Variants in DPYD observed in about 807,000 individuals in gnomAD.
DPYD encodes the protein dihydropyrimidine dehydrogenase, also known as dihydropyrimidine dehydrogenase [NADP(+)].
A neutral mutation model predicts 116.2 loss-of-function variants in DPYD; 109 were observed. The observed-to-expected ratio is 0.94, with a 90% CI of 0.80 to 1.10. The LOEUF (loss-of-function observed/expected upper bound fraction) is 1.10. DPYD is among the 50% of genes least tolerant of loss of function. The pLI is 0.00. For missense variants in DPYD, 1,302 were observed against 1,254.5 expected (o/e 1.04, Z -0.57); for synonymous variants, 440 against 432.0 (o/e 1.02, Z -0.23).
At chr1:97,546,090 C>G in intron 12 of DPYD, 1 of 1,413,712 alleles carries the variant, frequency 7.1e-7, no homozygotes, top group East Asian at 2.3e-5. Flanking sequence ...AGTTACAGTG[C>G]TGGTTAAGTT....
chr1:97,275,892 T>C (rs1459089492), intron 18 of DPYD, among the ~76,000 whole-genome samples: 2 of 152,204 alleles, frequency 1.3e-5, no homozygotes, highest in East Asian at 1.9e-4. Flanking sequence ...CTCCTGATCT[T>C]CTTCCTCTCA....
At chr1:97,814,868 C>A (rs1247150211) in intron 3 of DPYD, among the ~76,000 whole-genome samples, 2 of 130,318 alleles carry the variant, frequency 1.5e-5, no homozygotes, top group Non-Finnish European at 3.1e-5. Flanking sequence ...CGTGCCACTG[C>A]ACTACAGCCT....
At chr1:97,294,647 C>T (rs1666411171) in intron 18 of DPYD, among the ~76,000 whole-genome samples, 1 of 152,182 alleles carries the variant, frequency 6.6e-6, no homozygotes, top group Non-Finnish European at 1.5e-5. Context: ...TCCAAAGTTG[C>T]TCTTGGCATC....
intron 7 of DPYD, among the ~76,000 whole-genome samples, chr1:97,684,596 A>T (rs976417598): frequency 6.6e-6 from 1 of 151,764 alleles, no homozygotes; most frequent in Non-Finnish European, 1.5e-5. Flanking sequence ...CACACACACC[A>T]ATAGGTAGAC....
intron 16 of DPYD, among the ~76,000 whole-genome samples, chr1:97,318,875 A>C (rs991084008): frequency 4.0e-5 from 6 of 149,734 alleles, no homozygotes; most frequent in African/African-American, 1.5e-4. Flanking sequence ...AATTATAACA[A>C]ACTATCTCTC....
chr1:97,121,562 T>C (rs1446016034), intron 20 of DPYD, among the ~76,000 whole-genome samples: 3 of 152,122 alleles, frequency 2.0e-5, no homozygotes. Context: ...TGGCCAGTTG[T>C]TTCTTGGGTG....
intron 20 of DPYD, among the ~76,000 whole-genome samples, chr1:97,147,515 A>G (rs1654713127): frequency 6.6e-6 from 1 of 152,178 alleles, no homozygotes; most frequent in African/African-American, 2.4e-5. Flanking sequence ...GAAAAAATAA[A>G]CTGGCAGTGA....
chr1:97,677,274 T>C (rs1226130363), intron 8 of DPYD, among the ~76,000 whole-genome samples: 2 of 152,228 alleles, frequency 1.3e-5, no homozygotes, highest in South Asian at 2.1e-4. Flanking sequence ...TCTTTGTAGA[T>C]GAAGTTCTTA....
At chr1:97,344,768 G>A (rs932350565) in intron 16 of DPYD, among the ~76,000 whole-genome samples, 1 of 151,838 alleles carries the variant, frequency 6.6e-6, no homozygotes, top group African/African-American at 2.4e-5. Flanking sequence ...CTCCAGTTGT[G>A]TTATTAAAAA....
chr1:97,723,758 A>G (rs1378798515), intron 4 of DPYD, among the ~76,000 whole-genome samples: 2 of 151,666 alleles, frequency 1.3e-5, no homozygotes, highest in Admixed American at 6.6e-5. Context: ...TCAAAGTATA[A>G]TATCCAAAAG....
chr1:97,579,685 C>A (rs769740595), intron 10 of DPYD, among the ~76,000 whole-genome samples: 2 of 152,320 alleles, frequency 1.3e-5, no homozygotes, highest in East Asian at 3.9e-4. Context: ...GAATGCTTCT[C>A]CTCATGGCAC....
At chr1:97,642,469 C>T (rs1571113957) in intron 8 of DPYD, among the ~76,000 whole-genome samples, 1 of 151,822 alleles carries the variant, frequency 6.6e-6, no homozygotes, top group African/African-American at 2.4e-5. Flanking sequence ...TTTGACAAAC[C>T]TGACAAAAAC....
chr1:97,912,700 C>T (rs1674012258), intron 1 of DPYD, among the ~76,000 whole-genome samples: 1 of 151,996 alleles, frequency 6.6e-6, no homozygotes, highest in Non-Finnish European at 1.5e-5. Flanking sequence ...ACTTTTATTA[C>T]ACTAAGGTTA....
chr1:97,101,307 T>C (rs1426775666), intron 20 of DPYD, among the ~76,000 whole-genome samples: 1 of 151,882 alleles, frequency 6.6e-6, no homozygotes, highest in Non-Finnish European at 1.5e-5. Flanking sequence ...TTAAAAAATA[T>C]GTTGTATATA....
chr1:97,270,445 C>G (rs185790050), intron 18 of DPYD, among the ~76,000 whole-genome samples: 1 of 152,196 alleles, frequency 6.6e-6, no homozygotes, highest in Admixed American at 6.5e-5. Context: ...AACACACACA[C>G]ATTTTCTGTG....
chr1:97,707,481 C>G (rs2100993288), intron 5 of DPYD, among the ~76,000 whole-genome samples: 1 of 126,328 alleles, frequency 7.9e-6, no homozygotes, highest in Admixed American at 1.0e-4. Flanking sequence ...GTGTGATATT[C>G]CCCTTCCTGT....
intron 19 of DPYD, among the ~76,000 whole-genome samples, chr1:97,220,817 ACTTTT>A (rs1660726896): frequency 6.6e-6 from 1 of 152,184 alleles, no homozygotes; most frequent in African/African-American, 2.4e-5. Context: ...ATAGAACCTT[ACTTTT>A]GTCACTAATT....
chr1:97,904,898 G>A (rs759537065), intron 1 of DPYD, among the ~76,000 whole-genome samples: 1 of 151,904 alleles, frequency 6.6e-6, no homozygotes, highest in Non-Finnish European at 1.5e-5. Context: ...ATCCAAATCA[G>A]TTGCCATGGG....
chr1:97,751,388 G>C (rs1342356606), intron 3 of DPYD, among the ~76,000 whole-genome samples: 1 of 137,370 alleles, frequency 7.3e-6, no homozygotes, highest in Non-Finnish European at 1.6e-5. Context: ...ATACATATAT[G>C]TGTGTATATA....
Sources: gnomAD v4.1 joint callset for allele counts (sites outside exome capture counted in the v4.1 genomes callset) on GRCh38, gnomAD v4.1.1 for gene constraint, MANE v1.5 for transcripts, NCBI Gene and HGNC (gene_info 2026-07-23, HGNC 2026-07-21) for gene names.